Variants in ANP32E observed in about 807,000 individuals in gnomAD.
ANP32E encodes acidic leucine-rich nuclear phosphoprotein 32 family member E.
Under a neutral mutation model 35.3 loss-of-function variants are expected in ANP32E, and 14 were observed. That is an observed-to-expected ratio of 0.40 (90% CI 0.26 to 0.62). The LOEUF (loss-of-function observed/expected upper bound fraction) is 0.62, where lower values mean the gene tolerates loss of function less well. Among genes scored for constraint, ANP32E ranks in the 20% least tolerant of loss-of-function variants. ANP32E has a pLI of 0.45. For missense variants in ANP32E, 198 were observed against 304.4 expected, an observed-to-expected ratio of 0.65 and a Z score of 2.60; for synonymous variants, 89 against 110.4, an observed-to-expected ratio of 0.81 and a Z score of 1.22.
intron 5 of ANP32E, among the ~76,000 whole-genome samples, chr1:150,225,041 A>C (rs1040579469): frequency 7.9e-5 from 12 of 152,200 alleles, no homozygotes; most frequent in African/African-American, 2.9e-4. Context: ...AGGCAATAGA[A>C]TTCTGATCAC....
At chr1:150,228,981 T>C in intron 4 of ANP32E, 91 bp downstream of exon 4, 1 of 1,186,414 alleles carries the variant, frequency 8.4e-7, no homozygotes. Context: ...GATTTTTTTT[T>C]TCACACCTAA....
At chr1:150,226,857 A>T in intron 4 of ANP32E, 62 bp from the exon 5 acceptor site, 1 of 1,537,670 alleles carries the variant, frequency 6.5e-7, no homozygotes. Flanking sequence ...TAGGATGTTG[A>T]TGCTTTTTAC....
rs1424640617 is a variant in ANP32E at position 150,219,524 on chromosome 1, A to G, written c.*1167T>C. On this transcript the variant is annotated 3_prime_UTR_variant, in exon 7 of 7. Coordinates refer to ENST00000583931, the MANE Select transcript of ANP32E (RefSeq NM_030920.5). ...ATTAAAGGTTAGAAATACTTTGCAGAGTGGTATCCAAATCATTTGAGAGGC... is the reference window on the plus strand; with the variant it reads ...ATTAAAGGTTAGAAATACTTTGCAGGGTGGTATCCAAATCATTTGAGAGGC... 1 of 152,206 alleles carries G rather than the reference A, an allele frequency of 6.6e-6. No homozygotes were observed. Among genetic ancestry groups the G allele is most frequent in the Non-Finnish European group, 1.5e-5 (1 of 68,030 alleles). The allele number at this position is 152,206 out of a possible 1,614,324, so 9.4% of individuals were successfully genotyped here. A position where few individuals can be genotyped will look rare whatever the true frequency, so the allele number is the denominator to read the frequency against.
At chr1:150,232,116 G>A (rs1197269853) in intron 1 of ANP32E, among the ~76,000 whole-genome samples, 190 bp from the exon 2 acceptor site, 2 of 151,682 alleles carry the variant, frequency 1.3e-5, no homozygotes, top group African/African-American at 4.9e-5. Flanking sequence ...AGGCCGAGGC[G>A]GGCGGATCAC....
intron 6 of ANP32E, among the ~76,000 whole-genome samples, chr1:150,222,184 GC>G (rs1648465529): frequency 6.6e-6 from 1 of 152,070 alleles, no homozygotes; most frequent in African/African-American, 2.4e-5. Context: ...ACTTTGGGAG[GC>G]TGAGGCAGGC....
Position 150,220,565 on chromosome 1 carries a change from C to G in ANP32E, c.*126G>C. The G allele has an allele frequency of 1.1e-6, 1 of 889,666 alleles. No homozygotes were observed. Among genetic ancestry groups the G allele is most frequent in the Non-Finnish European group, 1.7e-6 (1 of 573,584 alleles). 55.1% of individuals were successfully genotyped at this position (889,666 alleles called of 1,614,324 possible). A position where few individuals can be genotyped will look rare whatever the true frequency, so the allele number is the denominator to read the frequency against. ...GAATGATAAGGCAAAAATAGTAAAA[C>G]CACACTTTTCCTATAAAAAGTTACA... On this transcript the variant is annotated 3_prime_UTR_variant, in exon 7 of 7. Transcript: ENST00000583931.
At position 150,220,572 on chromosome 1, in the gene ANP32E, T is replaced by G. The variant is rs1177998912; in HGVS notation, c.*119A>C. The G allele has an allele frequency of 5.3e-6, 5 of 949,116 alleles. No homozygotes were observed. The Admixed American group carries it at 8.8e-5, about 17-fold the overall frequency. 58.8% of individuals were successfully genotyped at this position (949,116 alleles called of 1,614,324 possible). A position where few individuals can be genotyped will look rare whatever the true frequency, so the allele number is the denominator to read the frequency against. On this transcript the variant is annotated 3_prime_UTR_variant, in exon 7 of 7. Transcript: ENST00000583931. The stretch of plus-strand genomic sequence containing the variant: ...AAGGCAAAAATAGTAAAACCACACT[T>G]TTCCTATAAAAAGTTACACATTATC...
chr1:150,234,751 C>G (rs1296660650), intron 1 of ANP32E: 3 of 862,322 alleles, frequency 3.5e-6, no homozygotes, highest in African/African-American at 3.6e-5. Context: ...TGTCCTCGCG[C>G]CTTCGCCCTG....
chr1:150,233,189 C>G (rs181708343), intron 1 of ANP32E, among the ~76,000 whole-genome samples: 1 of 145,396 alleles, frequency 6.9e-6, no homozygotes, highest in East Asian at 2.1e-4. Flanking sequence ...CACTTGAACC[C>G]GGGCAGCAGA....
At chr1:150,226,919 A>C in intron 4 of ANP32E, 124 bp from the exon 5 acceptor site, 1 of 1,279,412 alleles carries the variant, frequency 7.8e-7, no homozygotes, top group Non-Finnish European at 1.0e-6. Flanking sequence ...AGTAACTCAC[A>C]GCGATACTTT....
Position 150,230,688 on chromosome 1 carries a change from C to T in ANP32E, c.210G>A (p.Glu70=), listed in dbSNP as rs1649282020. The T allele has an allele frequency of 1.9e-6, 3 of 1,592,294 alleles. No homozygotes were observed. The highest frequency in any genetic ancestry group is 2.6e-6 in the Non-Finnish European group (3 of 1,174,548). ...CTCCAGAAATTATATTATCACTAAGCTCCAACTATACATTCAACAAAGGAA... is the reference window on the plus strand; with the variant it reads ...CTCCAGAAATTATATTATCACTAAGTTCCAACTATACATTCAACAAAGGAA... ...LPSLNKLRKL[E]LSDNIISGGL... The change falls in exon 3 of 7, where the codon GAG becomes GAA. Residue 70 remains glutamate, a synonymous_variant. Coordinates refer to ENST00000583931, the MANE Select transcript of ANP32E (RefSeq NM_030920.5).
intron 1 of ANP32E, chr1:150,234,815 C>T: frequency 7.4e-6 from 2 of 270,326 alleles, no homozygotes; most frequent in South Asian, 1.4e-4. Context: ...CGCCTCCTAC[C>T]CGACCCCCGA....
At chr1:150,222,395 G>A (rs1258900214) in intron 6 of ANP32E, among the ~76,000 whole-genome samples, 3 of 148,650 alleles carry the variant, frequency 2.0e-5, no homozygotes, top group Non-Finnish European at 4.4e-5. Flanking sequence ...CTCCAGCCTG[G>A]GCAACAGAGC....
rs1649743166 is a variant in ANP32E at position 150,235,904 on chromosome 1, C to T, written c.-118G>A. 1.4e-6 allele frequency: 1 copy of T among 690,002 alleles called. No homozygotes were observed. The highest frequency in any genetic ancestry group is 2.6e-6 in the Non-Finnish European group (1 of 391,330). The allele number at this position is 690,002 out of a possible 1,614,324, so 42.7% of individuals were successfully genotyped here. ...GAATGAAAAGGAACGCAAATATAAA[C>T]GCCCACTACCACCACCAGATAGGTG... is the stretch of plus-strand genomic sequence containing the variant. On this transcript the variant is annotated 5_prime_UTR_variant, in exon 1 of 7. Transcript: ENST00000583931. The surrounding 1 kb of genome is among the most constrained non-coding windows in gnomAD (Gnocchi z 4.2).
At chr1:150,224,850 A>G (rs1335526485) in intron 5 of ANP32E, among the ~76,000 whole-genome samples, 1 of 152,200 alleles carries the variant, frequency 6.6e-6, no homozygotes, top group Non-Finnish European at 1.5e-5. Context: ...ACATTAGGAG[A>G]AAATAACTAA....
chr1:150,226,559 C>A, intron 5 of ANP32E, 49 bp downstream of exon 5: 3 of 1,601,476 alleles, frequency 1.9e-6, no homozygotes, highest in Non-Finnish European at 2.5e-6. Context: ...AGTACTTACT[C>A]CTATGCCTAG....
intron 4 of ANP32E, 123 bp downstream of exon 4, chr1:150,228,949 G>T: frequency 1.3e-6 from 1 of 795,852 alleles, no homozygotes; most frequent in Non-Finnish European, 2.0e-6. Context: ...ATTTTTTCTT[G>T]TCTTACTAAT....
intron 5 of ANP32E, among the ~76,000 whole-genome samples, chr1:150,225,248 C>T (rs782288450): frequency 6.6e-6 from 1 of 152,092 alleles, no homozygotes; most frequent in Admixed American, 6.6e-5. Flanking sequence ...AAGCTTCACT[C>T]AGCAAAAAAC....
At chr1:150,220,796 A>G (rs782243444) in intron 6 of ANP32E, 35 bp from the exon 7 acceptor site, 4 of 1,555,878 alleles carry the variant, frequency 2.6e-6, no homozygotes, top group Non-Finnish European at 3.5e-6. Flanking sequence ...AAAGTGCTTA[A>G]TTTTAACAAA....
Sources: gnomAD v4.1 joint callset for allele counts (sites outside exome capture counted in the v4.1 genomes callset) on GRCh38, gnomAD v4.1.1 for gene constraint, Gnocchi (gnomAD v3.1) non-coding constraint, MANE v1.5 for transcripts, NCBI Gene and HGNC (gene_info 2026-07-23, HGNC 2026-07-21) for gene names.